TJP1: variants seen among roughly 807,000 people sequenced by gnomAD.
TJP1 encodes tight junction protein 1.
TJP1 carries 43 observed loss-of-function variants against 194.2 expected under a neutral mutation model. The observed-to-expected ratio is 0.22, with a 90% CI of 0.17 to 0.29. TJP1 has a LOEUF of 0.29. Ranked by LOEUF, TJP1 falls within the 10% of genes least tolerant of loss-of-function variation. The probability of loss-of-function intolerance (pLI) is 1.00; values close to 1 mark genes in which losing one functional copy is unlikely to be tolerated. For synonymous variants in TJP1, 801 were observed against 779.0 expected (o/e 1.03, Z -0.47); for missense variants, 1,971 against 2,185.7 (o/e 0.90, Z 1.96).
At chr15:29,747,072 G>T (rs945598142) in intron 8 of TJP1, among the ~76,000 whole-genome samples, 13 of 152,098 alleles carry the variant, frequency 8.5e-5, no homozygotes, top group African/African-American at 2.9e-4. Context: ...ATCACCTGAG[G>T]TCAGGAGTTC....
intron 1 of TJP1, among the ~76,000 whole-genome samples, chr15:29,956,795 G>T (rs1162860212): frequency 6.6e-6 from 1 of 152,116 alleles, no homozygotes; most frequent in Non-Finnish European, 1.5e-5. Flanking sequence ...AGGCTGAGGT[G>T]GGAGGATTGC....
chr15:29,728,138 G>C, intron 15 of TJP1, 119 bp from the exon 16 acceptor site: 1 of 730,932 alleles, frequency 1.4e-6, no homozygotes, highest in South Asian at 1.8e-5. Context: ...TGTGGAAACT[G>C]TCTTATGCAT....
At chr15:29,967,531 G>C (rs528920416) in intron 1 of TJP1, among the ~76,000 whole-genome samples, 1 of 152,194 alleles carries the variant, frequency 6.6e-6, no homozygotes, top group African/African-American at 2.4e-5. Context: ...TACAGAGGAA[G>C]AAACAGACAC....
chr15:29,720,445 G>A lies in TJP1; in HGVS notation c.2676C>T (p.Asn892=), dbSNP rs1187838502. The part of the protein sequence containing the change: ...REDSSGMHHE[N]QTYPPYSPQA... ...GTGGTGAGTAAGGAGGATATGTTTGGTTTTCATGATGCATTCCAGAGGAGT... is the reference window on the plus strand; with the variant it reads ...GTGGTGAGTAAGGAGGATATGTTTGATTTTCATGATGCATTCCAGAGGAGT... Residue 892 remains asparagine, a synonymous_variant, in exon 19 of 28, where the codon AAC becomes AAT. Transcript: ENST00000614355. The A allele has an allele frequency of 1.2e-6, 2 of 1,614,128 alleles. No homozygotes were observed. Among genetic ancestry groups the A allele is most frequent in the Non-Finnish European group, 1.7e-6 (2 of 1,180,034 alleles).
At chr15:29,933,693 T>C (rs1359720908) in intron 2 of TJP1, among the ~76,000 whole-genome samples, 4 of 152,074 alleles carry the variant, frequency 2.6e-5, no homozygotes, top group African/African-American at 9.7e-5. Context: ...TTTTTCAAGA[T>C]ATTAGAGATC....
At chr15:29,771,311 A>G (rs963367156) in intron 4 of TJP1, among the ~76,000 whole-genome samples, 1 of 152,208 alleles carries the variant, frequency 6.6e-6, no homozygotes, top group African/African-American at 2.4e-5. Flanking sequence ...ACAAGCCTGT[A>G]CAGCATGTTA....
chr15:29,940,634 T>A (rs1461000886), intron 2 of TJP1, among the ~76,000 whole-genome samples: 2 of 152,132 alleles, frequency 1.3e-5, no homozygotes, highest in Admixed American at 6.5e-5. Flanking sequence ...GATTTACTGT[T>A]CCATAACAAA....
rs990815413 is a variant in TJP1, at chr15:29,875,609, C to A, written c.307-74907G>T. Among the ~76,000 whole-genome samples, 4 of 152,138 alleles carry A rather than the reference C, an allele frequency of 2.6e-5. 1 individual carries two copies. The East Asian group carries it at 7.7e-4, about 29-fold the overall frequency. ...TGAGATGGTGTCCTGCTCTGTCACC[C>A]AGGTTGGAGTGCAGTAGCATGATCT... On this transcript the variant is annotated intron_variant, in intron 2 of 28. Transcript: ENST00000356107.
At chr15:29,863,776 G>A (rs1229340303) in intron 2 of TJP1, among the ~76,000 whole-genome samples, 3 of 152,182 alleles carry the variant, frequency 2.0e-5, no homozygotes. Flanking sequence ...ACTTCAATGT[G>A]CCTAACTCAC....
chr15:29,748,958 G>T (rs796230198), intron 8 of TJP1, among the ~76,000 whole-genome samples: 1 of 26,330 alleles, frequency 3.8e-5, no homozygotes. Flanking sequence ...GTGTGTGCGC[G>T]TGTGTGCGCG....
intron 2 of TJP1, among the ~76,000 whole-genome samples, chr15:29,906,721 A>C (rs1489347705): frequency 6.6e-6 from 1 of 151,590 alleles, no homozygotes; most frequent in Non-Finnish European, 1.5e-5. Context: ...CTGGGACCAC[A>C]GGTGTGTATC....
intron 23 of TJP1, among the ~76,000 whole-genome samples, chr15:29,712,657 T>C (rs1186517003): frequency 6.6e-6 from 1 of 152,186 alleles, no homozygotes; most frequent in Non-Finnish European, 1.5e-5. Context: ...GTACTTTAAC[T>C]GTTACTGCAG....
At chr15:29,849,667 A>G (rs1255287198) in intron 2 of TJP1, among the ~76,000 whole-genome samples, 1 of 150,288 alleles carries the variant, frequency 6.7e-6, no homozygotes. Context: ...TGAACCCGGG[A>G]GTCGGAGGTT....
chr15:29,736,135 G>A (rs1332649580), intron 11 of TJP1, among the ~76,000 whole-genome samples: 1 of 152,182 alleles, frequency 6.6e-6, no homozygotes, highest in African/African-American at 2.4e-5. Flanking sequence ...AAAAAATAAA[G>A]GAAAATGAGG....
At chr15:29,880,321 G>C (rs1322604142) in intron 2 of TJP1, among the ~76,000 whole-genome samples, 1 of 152,074 alleles carries the variant, frequency 6.6e-6, no homozygotes, top group South Asian at 2.1e-4. Context: ...AGAACTGCAC[G>C]TATTTAGTGT....
intron 2 of TJP1, among the ~76,000 whole-genome samples, chr15:29,789,010 G>A (rs985464060): frequency 2.6e-5 from 4 of 152,154 alleles, no homozygotes; most frequent in Non-Finnish European, 5.9e-5. Context: ...ACATTGAAAA[G>A]TGAACAATTT....
intron 2 of TJP1, among the ~76,000 whole-genome samples, chr15:29,840,393 C>T (rs565946690): frequency 1.2e-4 from 19 of 152,268 alleles, no homozygotes; most frequent in African/African-American, 3.1e-4. Context: ...TTTAAACACT[C>T]TGAAGAGATG....
intron 11 of TJP1, among the ~76,000 whole-genome samples, chr15:29,735,215 GA>G (rs200675953): frequency 0.011 from 1,470 of 133,282 alleles, 25 homozygotes; most frequent in African/African-American, 0.034. Context: ...GATTAAAAAA[GA>G]AAAAAAAAAA....
At chr15:29,770,504 A>G (rs979283236) in intron 4 of TJP1, among the ~76,000 whole-genome samples, 4 of 151,332 alleles carry the variant, frequency 2.6e-5, no homozygotes, top group African/African-American at 9.7e-5. Flanking sequence ...AGCCTCCATC[A>G]GGAGATCGAC....
Sources: allele counts gnomAD v4.1 joint callset (sites outside exome capture counted in the v4.1 genomes callset), GRCh38; gene constraint gnomAD v4.1.1; transcripts MANE v1.5; gene names NCBI Gene and HGNC (gene_info 2026-07-23, HGNC 2026-07-21).